Variants in STRBP observed in about 807,000 individuals in gnomAD.
STRBP encodes the protein spermatid perinuclear RNA-binding protein.
In STRBP, 13 loss-of-function variants were observed where a neutral mutation model predicts 80.1. That is an observed-to-expected ratio of 0.16 (90% CI 0.11 to 0.26). The LOEUF (loss-of-function observed/expected upper bound fraction) is 0.26. Ranked by LOEUF, STRBP falls within the 10% of genes least tolerant of loss-of-function variation. The pLI is 1.00. For missense variants in STRBP, 485 were observed against 815.2 expected (o/e 0.59, Z 4.93); for synonymous variants, 284 against 291.2 (o/e 0.98, Z 0.25).
chr9:123,185,993 C>T (rs544805659), intron 2 of STRBP, among the ~76,000 whole-genome samples: 1 of 139,356 alleles, frequency 7.2e-6, no homozygotes, highest in South Asian at 2.3e-4. Flanking sequence ...GATCACGCCA[C>T]TACACTCCAG....
chr9:123,267,922 A>AG (rs2041310206), intron 1 of STRBP, among the ~76,000 whole-genome samples: 1 of 107,002 alleles, frequency 9.3e-6, no homozygotes, highest in Admixed American at 1.2e-4. Context: ...CGCCTGGCCC[A>AG]GGGGGCCCCC....
chr9:123,174,133 T>C (rs2038121915), intron 4 of STRBP, among the ~76,000 whole-genome samples: 1 of 152,232 alleles, frequency 6.6e-6, no homozygotes, highest in South Asian at 2.1e-4. Context: ...TTTTTCAAAT[T>C]GTTCTTTTAA....
chr9:123,172,119 C>T (rs1168227964), intron 5 of STRBP, among the ~76,000 whole-genome samples: 1 of 152,146 alleles, frequency 6.6e-6, no homozygotes, highest in East Asian at 1.9e-4. Context: ...TTTACTGTTG[C>T]ACTGGTTCTC....
chr9:123,186,542 G>GA (rs200966143), intron 2 of STRBP, among the ~76,000 whole-genome samples: 3,117 of 149,988 alleles, frequency 0.021, 63 homozygotes, highest in Admixed American at 0.065. Flanking sequence ...AATAACTCAT[G>GA]AAAAAAAAAC....
At chr9:123,238,361 C>T (rs1485997841) in intron 1 of STRBP, among the ~76,000 whole-genome samples, 2 of 152,216 alleles carry the variant, frequency 1.3e-5, no homozygotes, top group African/African-American at 4.8e-5. Context: ...TAGCAGAATG[C>T]TAACAAAGAT....
chr9:123,249,022 T>G (rs943146419), intron 1 of STRBP, among the ~76,000 whole-genome samples: 21 of 152,258 alleles, frequency 1.4e-4, no homozygotes, highest in African/African-American at 5.1e-4. Context: ...AGGAATAAGA[T>G]GGTTTCTAAG....
In STRBP at chr9:123,146,280, G is replaced by A. The variant is rs536616628; in HGVS notation, c.1338+575C>T. ...TGGTCCAATCCTGGATATTATTCCC[G>A]ATGGAAATATTCTAAAAATACAGAC... On this transcript the variant is annotated intron_variant, in intron 13 of 18. Transcript: ENST00000348403. 1.6e-4 allele frequency among the ~76,000 whole-genome samples: 24 copies of A among 151,672 alleles called. 1 individual carries two copies. The highest frequency in any genetic ancestry group is 1.3e-3 in the Admixed American group (20 of 15,200).
At chr9:123,161,212 T>G (rs2037511068) in intron 6 of STRBP, 144 bp from the exon 7 acceptor site, 2 of 620,658 alleles carry the variant, frequency 3.2e-6, no homozygotes, top group Non-Finnish European at 5.5e-6. Flanking sequence ...TTTGGCTGTG[T>G]TGCTTTTTAA....
At chr9:123,156,907 A>AT (rs2037311569) in intron 11 of STRBP, among the ~76,000 whole-genome samples, 1 of 152,164 alleles carries the variant, frequency 6.6e-6, no homozygotes, top group African/African-American at 2.4e-5. Flanking sequence ...CTAGTTTAAA[A>AT]GAAGAGAAAG....
chr9:123,219,175 C>T (rs893484363), intron 2 of STRBP, among the ~76,000 whole-genome samples: 2 of 152,208 alleles, frequency 1.3e-5, no homozygotes, highest in African/African-American at 4.8e-5. Context: ...CATAATGACA[C>T]ACCACCTCAC....
intron 1 of STRBP, among the ~76,000 whole-genome samples, chr9:123,249,364 G>T (rs997087008): frequency 6.6e-6 from 1 of 152,146 alleles, no homozygotes; most frequent in African/African-American, 2.4e-5. Context: ...GGGCAACAGA[G>T]TGAGACCCTG....
At chr9:123,138,175 T>A (rs2036440106) in intron 14 of STRBP, among the ~76,000 whole-genome samples, 1 of 152,250 alleles carries the variant, frequency 6.6e-6, no homozygotes, top group Non-Finnish European at 1.5e-5. Context: ...TATGTCAGTG[T>A]AGCTGCTACT....
At chr9:123,248,460 C>T (rs1034967560) in intron 1 of STRBP, among the ~76,000 whole-genome samples, 6 of 151,670 alleles carry the variant, frequency 4.0e-5, no homozygotes, top group East Asian at 1.9e-4. Flanking sequence ...TTAGTAGAGA[C>T]GGTGTTTTAC....
Position 123,250,937 on chromosome 9 carries a change from G to A in STRBP, c.-301-13971C>T, listed in dbSNP as rs1414823535. Reference sequence around the variant, plus strand: ...GTTCAAGACCAGGGTGACAAAACGAGACCCCATTTCTACAAAAAAACAAAA... The same window carrying A: ...GTTCAAGACCAGGGTGACAAAACGAAACCCCATTTCTACAAAAAAACAAAA... On this transcript the variant is annotated intron_variant, in intron 1 of 18. Coordinates refer to ENST00000348403, the MANE Select transcript of STRBP (RefSeq NM_018387.5). Among the ~76,000 whole-genome samples, 3 of 152,074 alleles carry A rather than the reference G, an allele frequency of 2.0e-5. No individual in the cohort carries two copies. The South Asian group carries it at 6.2e-4, about 32-fold the overall frequency.
chr9:123,112,642 A>AT (rs1299918798), intron 3 of STRBP: 1 of 167,414 alleles, frequency 6.0e-6, no homozygotes, highest in Non-Finnish European at 1.5e-5. Flanking sequence ...ACCACGTCTG[A>AT]TTCACCTCAG....
downstream of STRBP, among the ~76,000 whole-genome samples, chr9:123,117,761 T>G (rs1220557705): frequency 6.6e-6 from 1 of 152,202 alleles, no homozygotes; most frequent in African/African-American, 2.4e-5. Flanking sequence ...TGGCTTAAAT[T>G]GTTGAAGACA....
chr9:123,254,461 AAAAAAAAAAAAAAAAAAAGAAAGAAC>A (rs1174933121), intron 1 of STRBP, among the ~76,000 whole-genome samples: 2 of 123,052 alleles, frequency 1.6e-5, no homozygotes, highest in African/African-American at 1.3e-4. Context: ...CGTCTCAAAA[AAAAAAAAAAAAAAAAAAAGAAAGAAC>A]AAAAAAGAAA....
chr9:123,125,077 A>G lies in STRBP; in HGVS notation c.*520T>C, dbSNP rs2035843485. On this transcript the variant is annotated 3_prime_UTR_variant, in exon 19 of 19. Transcript: ENST00000348403. ...TTTATTGGCTTTATTACACACTTCAATATTTACAAAGTTAAAGTTAAATGA... is the reference window on the plus strand; with the variant it reads ...TTTATTGGCTTTATTACACACTTCAGTATTTACAAAGTTAAAGTTAAATGA... 8 of 985,422 alleles carry G rather than the reference A, an allele frequency of 8.1e-6. No homozygotes were observed. Among genetic ancestry groups the G allele is most frequent in the Non-Finnish European group, 9.6e-6 (8 of 829,510 alleles). The allele number at this position is 985,422 out of a possible 1,614,324, so 61.0% of individuals were successfully genotyped here. A position where few individuals can be genotyped will look rare whatever the true frequency, so the allele number is the denominator to read the frequency against.
At chr9:123,247,224 G>A (rs929052491) in intron 1 of STRBP, among the ~76,000 whole-genome samples, 2 of 152,092 alleles carry the variant, frequency 1.3e-5, no homozygotes, top group Non-Finnish European at 2.9e-5. Flanking sequence ...CTGCCCAAAT[G>A]GAAAGGTAAC....
Sources: gnomAD v4.1 joint callset for allele counts (sites outside exome capture counted in the v4.1 genomes callset) on GRCh38, gnomAD v4.1.1 for gene constraint, MANE v1.5 for transcripts, NCBI Gene and HGNC (gene_info 2026-07-23, HGNC 2026-07-21) for gene names.